PDE1A: variants seen among roughly 807,000 people sequenced by gnomAD.
The protein encoded by PDE1A is dual specificity calcium/calmodulin-dependent 3',5'-cyclic nucleotide phosphodiesterase 1A.
Under a neutral mutation model 61.7 loss-of-function variants are expected in PDE1A, and 35 were observed. The observed-to-expected ratio is 0.57, with a 90% CI of 0.43 to 0.75. The LOEUF (loss-of-function observed/expected upper bound fraction) is 0.75. Among genes scored for constraint, PDE1A ranks in the 30% least tolerant of loss-of-function variants. The probability of loss-of-function intolerance (pLI) is 0.00; values close to 1 mark genes in which losing one functional copy is unlikely to be tolerated. For missense variants in PDE1A, 597 were observed against 630.6 expected (o/e 0.95, Z 0.57); for synonymous variants, 232 against 213.2 (o/e 1.09, Z -0.77).
At chr2:182,297,559 G>A (rs1474125621) in intron 1 of PDE1A, among the ~76,000 whole-genome samples, 1 of 152,184 alleles carries the variant, frequency 6.6e-6, no homozygotes, top group Non-Finnish European at 1.5e-5. Context: ...AAGTCAAAAA[G>A]CCTGTGCTCT....
intron 10 of PDE1A, among the ~76,000 whole-genome samples, chr2:182,189,882 G>A (rs577913792): frequency 9.2e-5 from 14 of 152,052 alleles, no homozygotes; most frequent in South Asian, 2.1e-4. Flanking sequence ...CCTTGTTCTT[G>A]TTCATTTCAA....
chr2:182,607,729 T>C, the PDE1A span, among the ~76,000 whole-genome samples: 2 of 152,194 alleles, frequency 1.3e-5, no homozygotes, highest in African/African-American at 4.8e-5. Flanking sequence ...AAAAGGTTCA[T>C]ATTACAGGAT....
At chr2:182,690,971 A>T in the PDE1A span, among the ~76,000 whole-genome samples, 1 of 152,050 alleles carries the variant, frequency 6.6e-6, no homozygotes, top group Non-Finnish European at 1.5e-5. Context: ...CCAACTTACA[A>T]GGGATGTGAA....
upstream of PDE1A, among the ~76,000 whole-genome samples, chr2:182,525,536 A>G (rs1690764915): frequency 6.6e-6 from 1 of 151,904 alleles, no homozygotes; most frequent in African/African-American, 2.4e-5. Context: ...CATGGGGGTG[A>G]TTTCTAGTGG....
Position 182,218,324 on chromosome 2 carries a change from A to G in PDE1A, c.776+5540T>C, listed in dbSNP as rs530614477. 5.3e-5 allele frequency among the ~76,000 whole-genome samples: 8 copies of G among 150,362 alleles called. No individual in the cohort carries two copies. The East Asian group carries it at 1.6e-3, about 30-fold the overall frequency. On this transcript the variant is annotated intron_variant, in intron 7 of 13. Transcript: ENST00000351439. Reference sequence around the variant, plus strand: ...TGGGAGATATACCTAATGCTAGATGACGAGTTAGTGGGTGCAGTGCACCAG... The same window carrying G: ...TGGGAGATATACCTAATGCTAGATGGCGAGTTAGTGGGTGCAGTGCACCAG...
At chr2:182,497,133 T>C (rs533017328) in intron 2 of PDE1A, among the ~76,000 whole-genome samples, 1 of 152,340 alleles carries the variant, frequency 6.6e-6, no homozygotes, top group East Asian at 1.9e-4. Flanking sequence ...ATTGAATACA[T>C]GTATTTATCA....
At chr2:182,544,345 T>A in the PDE1A span, among the ~76,000 whole-genome samples, 3 of 152,344 alleles carry the variant, frequency 2.0e-5, no homozygotes, top group East Asian at 5.8e-4. Context: ...GTTTCCCTCC[T>A]CTGTTTATGG....
the PDE1A span, among the ~76,000 whole-genome samples, chr2:182,646,177 G>T: frequency 2.6e-5 from 4 of 152,204 alleles, no homozygotes; most frequent in South Asian, 6.2e-4. Context: ...AGGAAAATGG[G>T]CAGGGCATGC....
the PDE1A span, among the ~76,000 whole-genome samples, chr2:182,606,991 A>G: frequency 6.6e-6 from 1 of 152,244 alleles, no homozygotes; most frequent in African/African-American, 2.4e-5. Context: ...TCTCAAATCC[A>G]TCTCCCTGAT....
At chr2:182,312,145 C>T (rs1574321527) in intron 1 of PDE1A, among the ~76,000 whole-genome samples, 3 of 151,856 alleles carry the variant, frequency 2.0e-5, no homozygotes, top group African/African-American at 7.2e-5. Context: ...TTTTATTATC[C>T]TTTTTCCTTT....
At chr2:182,208,219 G>A (rs1320200410) in intron 7 of PDE1A, among the ~76,000 whole-genome samples, 1 of 152,112 alleles carries the variant, frequency 6.6e-6, no homozygotes, top group African/African-American at 2.4e-5. Flanking sequence ...ACCTGAGGCT[G>A]GGTAATTTAT....
At chr2:182,347,764 C>T (rs557273036) in intron 1 of PDE1A, among the ~76,000 whole-genome samples, 1 of 151,914 alleles carries the variant, frequency 6.6e-6, no homozygotes, top group Non-Finnish European at 1.5e-5. Flanking sequence ...TAGTGCAAAG[C>T]CATAGAAGAG....
chr2:182,615,509 C>A, the PDE1A span, among the ~76,000 whole-genome samples: 2 of 152,152 alleles, frequency 1.3e-5, no homozygotes, highest in Non-Finnish European at 2.9e-5. Context: ...GCTAAATTAG[C>A]AATTTCCCTA....
At chr2:182,172,608 A>T (rs140022353) in intron 13 of PDE1A, among the ~76,000 whole-genome samples, 1 of 152,102 alleles carries the variant, frequency 6.6e-6, no homozygotes, top group East Asian at 1.9e-4. Flanking sequence ...CCTCCTGCAA[A>T]TGCATTTCTC....
the PDE1A span, among the ~76,000 whole-genome samples, chr2:182,653,414 G>A: frequency 1.3e-5 from 2 of 151,956 alleles, no homozygotes; most frequent in African/African-American, 2.4e-5. Flanking sequence ...GGTTTTTTTC[G>A]AGGGGATGTG....
At chr2:182,235,574 C>T (rs1453833404) in intron 3 of PDE1A, among the ~76,000 whole-genome samples, 1 of 152,210 alleles carries the variant, frequency 6.6e-6, no homozygotes, top group Non-Finnish European at 1.5e-5. Flanking sequence ...GATAGCCTAG[C>T]ATGTGATATA....
chr2:182,553,692 G>C, the PDE1A span, among the ~76,000 whole-genome samples: 2 of 152,230 alleles, frequency 1.3e-5, no homozygotes, highest in Admixed American at 6.5e-5. Context: ...CCTGGGAGGA[G>C]TTGAGAGACT....
At chr2:182,231,060 C>A (rs1325454318) in exon 5 of PDE1A, 1 of 1,607,186 alleles carries the variant, frequency 6.2e-7, no homozygotes, top group South Asian at 1.1e-5. Flanking sequence ...GTTCATAAAT[C>A]ATAAACTTCA....
chr2:182,698,563 T>C, the PDE1A span, among the ~76,000 whole-genome samples: 1 of 152,194 alleles, frequency 6.6e-6, no homozygotes, highest in Non-Finnish European at 1.5e-5. Context: ...ATGGAAAATA[T>C]TTGTTATGAT....
Sources: gnomAD v4.1 joint callset for allele counts (sites outside exome capture counted in the v4.1 genomes callset) on GRCh38, gnomAD v4.1.1 for gene constraint, MANE v1.5 for transcripts, NCBI Gene and HGNC (gene_info 2026-07-23, HGNC 2026-07-21) for gene names.